PPM1H: variants seen among roughly 807,000 people sequenced by gnomAD.
The protein encoded by PPM1H is protein phosphatase 1H.
In PPM1H, 27 loss-of-function variants were observed where a neutral mutation model predicts 54.9. The ratio of observed to expected loss-of-function variants is 0.49; its 90% confidence interval spans 0.36 to 0.68. The LOEUF (loss-of-function observed/expected upper bound fraction) is 0.68. PPM1H is among the 30% of genes least tolerant of loss of function. PPM1H has a pLI of 0.00. For missense variants in PPM1H, 596 were observed against 667.8 expected, an observed-to-expected ratio of 0.89 and a Z score of 1.19; for synonymous variants, 305 against 270.8, an observed-to-expected ratio of 1.13 and a Z score of -1.24.
intron 1 of PPM1H, among the ~76,000 whole-genome samples, chr12:62,897,101 G>A (rs565569651): frequency 4.6e-4 from 60 of 131,150 alleles, no homozygotes; most frequent in East Asian, 1.9e-3. Context: ...GGCCTGTTGC[G>A]GGGTGGGGGG....
At chr12:62,825,846 A>C (rs1868285031) in intron 2 of PPM1H, among the ~76,000 whole-genome samples, 1 of 152,100 alleles carries the variant, frequency 6.6e-6, no homozygotes, top group South Asian at 2.1e-4. Flanking sequence ...ACAAACCTGC[A>C]TATTGTGCGC....
chr12:62,894,471 A>G (rs1438654228), intron 1 of PPM1H, among the ~76,000 whole-genome samples: 1 of 152,210 alleles, frequency 6.6e-6, no homozygotes, highest in Admixed American at 6.5e-5. Flanking sequence ...GGCTGCAGTG[A>G]AAAGGACAAA....
rs1292884581 is a variant in PPM1H at position 62,662,275 on chromosome 12, A to G, written c.1397+4903T>C. Among the ~76,000 whole-genome samples, 3 of 152,354 alleles carry G rather than the reference A, an allele frequency of 2.0e-5. No homozygotes were observed. The East Asian group carries it at 5.8e-4, about 29-fold the overall frequency. On this transcript the variant is annotated intron_variant, in intron 9 of 9. Coordinates refer to ENST00000228705, the MANE Select transcript of PPM1H (RefSeq NM_020700.2). Reference sequence around the variant, plus strand: ...TTTGCAAAGCTTTATAAAAATAATCATAGTAGAGAAAAATCAACATGAGAA... The same window carrying G: ...TTTGCAAAGCTTTATAAAAATAATCGTAGTAGAGAAAAATCAACATGAGAA...
At chr12:62,678,567 T>C (rs141545802) in intron 8 of PPM1H, among the ~76,000 whole-genome samples, 2 of 152,322 alleles carry the variant, frequency 1.3e-5, no homozygotes, top group East Asian at 3.9e-4. Flanking sequence ...GACACACAGA[T>C]GCACACAACT....
chr12:62,792,157 T>C (rs1262949724), intron 3 of PPM1H, among the ~76,000 whole-genome samples: 1 of 152,164 alleles, frequency 6.6e-6, no homozygotes, highest in Non-Finnish European at 1.5e-5. Flanking sequence ...ATGGTTTCTA[T>C]CACAAGAAAT....
At chr12:62,833,449 C>T (rs946206734) in intron 1 of PPM1H, among the ~76,000 whole-genome samples, 5 of 152,066 alleles carry the variant, frequency 3.3e-5, no homozygotes, top group South Asian at 2.1e-4. Context: ...ATTCCCCAAA[C>T]GGTAACATCT....
At chr12:62,746,600 G>T (rs2076412544) in intron 4 of PPM1H, among the ~76,000 whole-genome samples, 1 of 152,218 alleles carries the variant, frequency 6.6e-6, no homozygotes, top group Non-Finnish European at 1.5e-5. Context: ...TGGACTAGGG[G>T]ATGTCCTTGT....
At chr12:62,921,058 G>A (rs1028697075) in intron 1 of PPM1H, among the ~76,000 whole-genome samples, 1 of 151,982 alleles carries the variant, frequency 6.6e-6, no homozygotes, top group African/African-American at 2.4e-5. Flanking sequence ...CCAAGTAGCT[G>A]GGATTACAGG....
Position 62,896,647 on chromosome 12 carries a change from TGGTG to T in PPM1H, c.245+37841_245+37844del, listed in dbSNP as rs1870999354. Among the ~76,000 whole-genome samples, 5 of 152,338 alleles carry T rather than the reference TGGTG, an allele frequency of 3.3e-5. No individual in the cohort carries two copies. The South Asian group carries it at 1.0e-3, about 32-fold the overall frequency. On this transcript the variant is annotated intron_variant, in intron 1 of 9. Coordinates refer to ENST00000228705, the MANE Select transcript of PPM1H (RefSeq NM_020700.2). ...AGAAATAGGAACGCTTTTACACTGT[TGGTG>T]GGACTGTAAACTAGTTCAACCATTG...
At chr12:62,822,077 G>C (rs1371174288) in intron 2 of PPM1H, among the ~76,000 whole-genome samples, 1 of 148,452 alleles carries the variant, frequency 6.7e-6, no homozygotes, top group African/African-American at 2.5e-5. Context: ...CAAGCAAATG[G>C]AAAGCAAAAA....
chr12:62,797,900 G>A (rs2076745290), intron 3 of PPM1H, among the ~76,000 whole-genome samples: 1 of 152,192 alleles, frequency 6.6e-6, no homozygotes, highest in Admixed American at 6.5e-5. Flanking sequence ...ACATCTGAGA[G>A]TGAAATGGGA....
chr12:62,847,045 G>A (rs1171029457), intron 1 of PPM1H, among the ~76,000 whole-genome samples: 1 of 152,122 alleles, frequency 6.6e-6, no homozygotes, highest in Non-Finnish European at 1.5e-5. Flanking sequence ...CCATTCATAT[G>A]GTTTTTCCAT....
Position 62,648,572 on chromosome 12 carries a change from G to T in PPM1H, c.1462C>A (p.Arg488=). 22 of 1,613,814 alleles carry T rather than the reference G, an allele frequency of 1.4e-5. No homozygotes were observed. The highest frequency in any genetic ancestry group is 2.2e-5 in the East Asian group (1 of 44,876). Residue 488 remains arginine (R), a synonymous_variant, in exon 10 of 10, where the codon CGG becomes AGG. Transcript: ENST00000228705. ...ARGVLKDRGW[R]ISNDRLGSGD... is the part of the protein sequence containing the mutation. ...GAGCCCAGTCGGTCATTAGATATCCGCCATCCTCTGTCCTTCAGCACACCC... is the reference window on the plus strand; with the variant it reads ...GAGCCCAGTCGGTCATTAGATATCCTCCATCCTCTGTCCTTCAGCACACCC...
chr12:62,925,861 G>T (rs1871956470), intron 1 of PPM1H, among the ~76,000 whole-genome samples: 1 of 152,158 alleles, frequency 6.6e-6, no homozygotes, highest in South Asian at 2.1e-4. Flanking sequence ...AACACTATTT[G>T]CCTGTTGACA....
chr12:62,658,066 A>AG (rs1460210236), intron 9 of PPM1H, among the ~76,000 whole-genome samples: 22 of 150,456 alleles, frequency 1.5e-4, no homozygotes, highest in Non-Finnish European at 2.9e-4. Flanking sequence ...CAAAAAAAAA[A>AG]AAAAAAAAAA....
At chr12:62,671,114 C>A (rs1008723541) in intron 8 of PPM1H, among the ~76,000 whole-genome samples, 1 of 152,138 alleles carries the variant, frequency 6.6e-6, no homozygotes, top group African/African-American at 2.4e-5. Context: ...TCAATCGAAC[C>A]ATACCCACAT....
At chr12:62,653,329 T>C (rs1285890322) in intron 9 of PPM1H, among the ~76,000 whole-genome samples, 1 of 152,240 alleles carries the variant, frequency 6.6e-6, no homozygotes, top group African/African-American at 2.4e-5. Flanking sequence ...CATAAACTCT[T>C]ATTAGATCTT....
chr12:62,722,413 T>A (rs2076268834), intron 5 of PPM1H, among the ~76,000 whole-genome samples: 1 of 152,124 alleles, frequency 6.6e-6, no homozygotes, highest in Admixed American at 6.6e-5. Context: ...CACTACATCC[T>A]GGAGAGGTTA....
intron 6 of PPM1H, among the ~76,000 whole-genome samples, chr12:62,706,241 A>T (rs1319194447): frequency 6.6e-6 from 1 of 152,196 alleles, no homozygotes; most frequent in Admixed American, 6.5e-5. Context: ...CTCACTCCCA[A>T]AATTTTCAGG....
Sources: allele counts gnomAD v4.1 joint callset (sites outside exome capture counted in the v4.1 genomes callset), GRCh38; gene constraint gnomAD v4.1.1; transcripts MANE v1.5; gene names NCBI Gene and HGNC (gene_info 2026-07-23, HGNC 2026-07-21).